Variants in RPRD1B observed in about 807,000 individuals in gnomAD.
RPRD1B encodes the protein regulation of nuclear pre-mRNA domain-containing protein 1B.
In RPRD1B, 11 loss-of-function variants were observed where a neutral mutation model predicts 41.5. The ratio of observed to expected loss-of-function variants is 0.27; its 90% CI spans 0.17 to 0.44. The LOEUF is 0.44. Ranked by LOEUF, RPRD1B falls within the 20% of genes least tolerant of loss-of-function variation. The probability of loss-of-function intolerance (pLI) is 1.00; values close to 1 mark genes in which losing one functional copy is unlikely to be tolerated. For synonymous variants in RPRD1B, 158 were observed against 155.6 expected (o/e 1.02, Z -0.12); for missense variants, 248 against 389.9 (o/e 0.64, Z 3.06).
chr20:38,066,162 C>T lies in RPRD1B; in HGVS notation c.737C>T (p.Ala246Val). The change falls in exon 6 of 7, where the codon GCA (alanine) becomes GTA (valine). Residue 246 changes from alanine to valine, a missense_variant. Ala to Val is a moderately conservative substitution (Grantham distance 64). This residue lies in a region of RPRD1B where 93 missense variants were observed against 167.2 expected (regional missense o/e 0.56). Transcript: ENST00000373433. ...LLAEYNGRLA[A>V]ELEDRRQLAR... ...GCAGAATATAACGGGCGCCTGGCAG[C>T]AGAACTGGAGGACCGTCGCCAGCTG... The T allele has an allele frequency of 6.2e-7, 1 of 1,614,158 alleles. No individual in the cohort carries two copies. Among genetic ancestry groups the T allele is most frequent in the Non-Finnish European group, 8.5e-7 (1 of 1,180,032 alleles).
intron 6 of RPRD1B, among the ~76,000 whole-genome samples, chr20:38,081,227 GTC>G (rs1442926894): frequency 1.0e-5 from 1 of 100,386 alleles, no homozygotes; most frequent in African/African-American, 5.7e-5. Flanking sequence ...TGTTTATGTT[GTC>G]TCTGACTTCT....
chr20:38,058,064 A>G (rs1379192755), intron 4 of RPRD1B, among the ~76,000 whole-genome samples: 1 of 152,206 alleles, frequency 6.6e-6, no homozygotes, highest in Middle Eastern at 3.2e-3. Context: ...GCTGCACTGT[A>G]GCCTATTAAA....
At chr20:38,043,225 G>A (rs148624355) in intron 2 of RPRD1B, among the ~76,000 whole-genome samples, 3 of 152,306 alleles carry the variant, frequency 2.0e-5, no homozygotes, top group East Asian at 1.9e-4. Context: ...TGACATTTGC[G>A]GTAATCATGC....
intron 1 of RPRD1B, among the ~76,000 whole-genome samples, chr20:38,038,485 G>GTTTTTTTTTTTTTTT (rs2074027015): frequency 1.2e-5 from 1 of 83,118 alleles, no homozygotes; most frequent in African/African-American, 5.6e-5. Flanking sequence ...GATTTTTTTT[G>GTTTTTTTTTTTTTTT]TTTTGTTTTT....
At chr20:38,037,645 C>T (rs2074016669) in intron 1 of RPRD1B, among the ~76,000 whole-genome samples, 1 of 152,138 alleles carries the variant, frequency 6.6e-6, no homozygotes, top group Non-Finnish European at 1.5e-5. Context: ...ACACATGGTG[C>T]TTATGTTGAC....
At chr20:38,049,351 TTTTC>T (rs1201066108) in intron 3 of RPRD1B, among the ~76,000 whole-genome samples, 3 of 149,826 alleles carry the variant, frequency 2.0e-5, no homozygotes, top group African/African-American at 4.9e-5. Flanking sequence ...ATTTTTTCTT[TTTTC>T]TTTCTTTTTT....
intron 3 of RPRD1B, among the ~76,000 whole-genome samples, chr20:38,056,446 G>A (rs903430406): frequency 6.6e-6 from 1 of 152,112 alleles, no homozygotes; most frequent in Non-Finnish European, 1.5e-5. Flanking sequence ...CACTTCAAAC[G>A]TGAGTTTGGT....
intron 1 of RPRD1B, among the ~76,000 whole-genome samples, chr20:38,036,764 G>A (rs1001967241): frequency 3.3e-5 from 5 of 152,152 alleles, no homozygotes; most frequent in Non-Finnish European, 5.9e-5. Flanking sequence ...CATCCAACAG[G>A]TAGCCGCTTG....
rs569078779 is a variant in RPRD1B at position 38,091,193 on chromosome 20, T to C, written c.*1318T>C. 39 of 985,726 alleles carry C rather than the reference T, an allele frequency of 4.0e-5. No homozygotes were observed. Among genetic ancestry groups the C allele is most frequent in the Non-Finnish European group, 4.3e-5 (36 of 829,920 alleles). 61.1% of individuals were successfully genotyped at this position (985,726 alleles called of 1,614,324 possible). ...TGCCCCAGTAGTGTAATAGGAGTTA[T>C]AGACCAGAGGCTGAAACCCAAACTA... On this transcript the variant is annotated 3_prime_UTR_variant, in exon 7 of 7. Coordinates refer to ENST00000373433, the MANE Select transcript of RPRD1B (RefSeq NM_021215.4).
chr20:38,061,974 C>A (rs1951911552), intron 5 of RPRD1B, among the ~76,000 whole-genome samples: 1 of 151,848 alleles, frequency 6.6e-6, no homozygotes, highest in Non-Finnish European at 1.5e-5. Flanking sequence ...GAGGAGATTA[C>A]CCTGGATTAT....
chr20:38,064,888 AG>A (rs577579306), intron 5 of RPRD1B, among the ~76,000 whole-genome samples: 48 of 152,128 alleles, frequency 3.2e-4, no homozygotes, highest in African/African-American at 1.2e-3. Flanking sequence ...CGGGAGGCTG[AG>A]GCAGGAGAAT....
chr20:38,035,575 G>T (rs929785779), intron 1 of RPRD1B, among the ~76,000 whole-genome samples: 1 of 152,210 alleles, frequency 6.6e-6, no homozygotes, highest in Admixed American at 6.5e-5. Flanking sequence ...CTGAGATAGG[G>T]ATCCCCTCAG....
chr20:38,081,484 A>C (rs1161161371), intron 6 of RPRD1B, among the ~76,000 whole-genome samples: 1 of 152,228 alleles, frequency 6.6e-6, no homozygotes, highest in African/African-American at 2.4e-5. Context: ...CTATGGAATC[A>C]TATAGCCTGC....
intron 3 of RPRD1B, among the ~76,000 whole-genome samples, chr20:38,056,831 G>T (rs1003761760): frequency 6.6e-6 from 1 of 152,136 alleles, no homozygotes; most frequent in African/African-American, 2.4e-5. Flanking sequence ...TCCCACAATT[G>T]TTTGGCATTT....
At chr20:38,075,020 G>A (rs932169061) in intron 6 of RPRD1B, among the ~76,000 whole-genome samples, 2 of 152,132 alleles carry the variant, frequency 1.3e-5, no homozygotes, top group Non-Finnish European at 2.9e-5. Context: ...TGGTTGGATA[G>A]TCAATGATTA....
chr20:38,058,103 A>T (rs1237329894), intron 4 of RPRD1B, among the ~76,000 whole-genome samples: 1 of 148,576 alleles, frequency 6.7e-6, no homozygotes. Flanking sequence ...GTCTTTACCC[A>T]TGTGTTTGTG....
chr20:38,079,695 G>A (rs1028746575), intron 6 of RPRD1B, among the ~76,000 whole-genome samples: 1 of 152,182 alleles, frequency 6.6e-6, no homozygotes, highest in Non-Finnish European at 1.5e-5. Context: ...AGGCATGCAT[G>A]TGTCTTTATG....
At chr20:38,034,130 C>A in intron 1 of RPRD1B, 32 bp downstream of exon 1, 1 of 1,599,186 alleles carries the variant, frequency 6.3e-7, no homozygotes, top group Non-Finnish European at 8.5e-7. Flanking sequence ...CCTGGACGGT[C>A]CCCGGATTGT....
intron 3 of RPRD1B, among the ~76,000 whole-genome samples, chr20:38,056,670 C>T (rs1175759127): frequency 6.6e-6 from 1 of 152,164 alleles, no homozygotes; most frequent in Non-Finnish European, 1.5e-5. Context: ...GTCATTTAAC[C>T]TCCCTGGCCT....
Sources: allele counts gnomAD v4.1 joint callset (sites outside exome capture counted in the v4.1 genomes callset), GRCh38; gene constraint gnomAD v4.1.1; regional missense constraint gnomAD v4.1.1; transcripts MANE v1.5; gene names NCBI Gene and HGNC (gene_info 2026-07-23, HGNC 2026-07-21).